The following STK3 variants were observed in gnomAD, a reference collection of about 807,000 sequenced individuals.
STK3 encodes the protein serine/threonine-protein kinase 3.
Under a neutral mutation model 58.0 loss-of-function variants are expected in STK3, and 41 were observed. The observed-to-expected ratio is 0.71, with a 90% CI of 0.55 to 0.92. The LOEUF (loss-of-function observed/expected upper bound fraction) is 0.92. Among genes scored for constraint, STK3 ranks in the 40% least tolerant of loss-of-function variants. The pLI, the probability that STK3 is intolerant of heterozygous loss-of-function variation, is 0.00. For missense variants in STK3, 479 were observed against 602.7 expected (o/e 0.79, Z 2.15); for synonymous variants, 170 against 191.0 (o/e 0.89, Z 0.91).
Position 98,908,843 on chromosome 8 carries a change from C to CAAAAAA in STK3, c.-78-25015_-78-25010dup, listed in dbSNP as rs1187304586. ...GGGGGACAAGAGAGAGACTTCTTCT[C>CAAAAAA]AAAAAAAAAAAAAAAAAAAAAGAAA... is the stretch of plus-strand genomic sequence containing the variant. On this transcript the variant is annotated intron_variant, in intron 1 of 1. Coordinates refer to the STK3 transcript ENST00000519420. 5.0e-5 allele frequency among the ~76,000 whole-genome samples: 3 copies of CAAAAAA among 60,448 alleles called. 1 individual carries two copies. Among genetic ancestry groups the CAAAAAA allele is most frequent in the Non-Finnish European group, 6.8e-5 (2 of 29,602 alleles). The allele number at this position is 60,448 out of a possible 152,430, so 39.7% of individuals were successfully genotyped here. A position where few individuals can be genotyped will look rare whatever the true frequency, so the allele number is the denominator to read the frequency against.
At chr8:98,711,982 G>A (rs539289536) in intron 4 of STK3, among the ~76,000 whole-genome samples, 1 of 152,204 alleles carries the variant, frequency 6.6e-6, no homozygotes. Flanking sequence ...CAATAGTCAA[G>A]ATTCTTAAAG....
At chr8:98,407,777 T>C (rs940006882) in intron 3 of STK3, among the ~76,000 whole-genome samples, 1 of 150,098 alleles carries the variant, frequency 6.7e-6, no homozygotes, top group African/African-American at 2.5e-5. Flanking sequence ...CGCGCATGCA[T>C]GGTATGACTA....
chr8:98,886,852 C>G lies in STK3; in HGVS notation c.-78-3018G>C, dbSNP rs758026633. Reference sequence around the variant, plus strand: ...GTGGCTCATGTCTGTAATTCCAGCACTTTGGGAGGCAGAGGTGGGTGGATT... The same window carrying G: ...GTGGCTCATGTCTGTAATTCCAGCAGTTTGGGAGGCAGAGGTGGGTGGATT... On this transcript the variant is annotated intron_variant, in intron 1 of 1. Coordinates refer to the STK3 transcript ENST00000519420. Among the ~76,000 whole-genome samples, 12 of 152,278 alleles carry G rather than the reference C, an allele frequency of 7.9e-5. No individual in the cohort carries two copies. In the East Asian group the frequency reaches 9.6e-4, roughly 12 times the overall value.
chr8:98,472,943 C>A (rs979701851), intron 10 of STK3, among the ~76,000 whole-genome samples: 3 of 151,858 alleles, frequency 2.0e-5, no homozygotes, highest in Admixed American at 2.0e-4. Flanking sequence ...GCGAAATGGT[C>A]CAAAAATTAT....
chr8:98,915,472 T>C (rs1022060661), intron 1 of STK3, among the ~76,000 whole-genome samples: 1 of 71,678 alleles, frequency 1.4e-5, no homozygotes, highest in South Asian at 3.8e-4. Flanking sequence ...ATATATATAG[T>C]TCTGTCCTCT....
chr8:98,417,686 G>T (rs1163615580), intron 3 of STK3, among the ~76,000 whole-genome samples: 1 of 152,070 alleles, frequency 6.6e-6, no homozygotes, highest in Non-Finnish European at 1.5e-5. Context: ...CCATGTTGTT[G>T]TGATGATTAA....
At chr8:98,663,571 C>T (rs1465087648) in intron 6 of STK3, among the ~76,000 whole-genome samples, 1 of 152,126 alleles carries the variant, frequency 6.6e-6, no homozygotes, top group East Asian at 1.9e-4. Flanking sequence ...CACATGCACA[C>T]GTATGTTTAC....
chr8:98,607,177 G>A (rs1816845085), intron 6 of STK3, among the ~76,000 whole-genome samples: 1 of 152,182 alleles, frequency 6.6e-6, no homozygotes, highest in Non-Finnish European at 1.5e-5. Flanking sequence ...GATATAAGAA[G>A]CACTTTTTAG....
intron 6 of STK3, among the ~76,000 whole-genome samples, chr8:98,697,612 T>C (rs1452128683): frequency 6.6e-6 from 1 of 152,230 alleles, no homozygotes. Context: ...CATTTTGTTA[T>C]GTACCCAGTA....
chr8:98,418,172 A>G (rs1248953565), intron 3 of STK3, among the ~76,000 whole-genome samples: 1 of 152,202 alleles, frequency 6.6e-6, no homozygotes, highest in East Asian at 1.9e-4. Flanking sequence ...CTGGCCTCCC[A>G]AAGTGCTGAG....
intron 6 of STK3, among the ~76,000 whole-genome samples, chr8:98,686,985 G>A (rs753671772): frequency 6.6e-6 from 1 of 152,104 alleles, no homozygotes; most frequent in Non-Finnish European, 1.5e-5. Context: ...GAGAAAGTGA[G>A]CAACTTGGAA....
At chr8:98,557,287 A>T (rs1811669531) in intron 8 of STK3, among the ~76,000 whole-genome samples, 1 of 152,102 alleles carries the variant, frequency 6.6e-6, no homozygotes, top group African/African-American at 2.4e-5. Flanking sequence ...ACTATCGTAC[A>T]TTTGCTTGTA....
intron 8 of STK3, among the ~76,000 whole-genome samples, chr8:98,557,179 C>T (rs1811660253): frequency 1.3e-5 from 2 of 152,022 alleles, no homozygotes; most frequent in South Asian, 2.1e-4. Context: ...TCATGCATAA[C>T]GGAATTCGGG....
intron 1 of STK3, among the ~76,000 whole-genome samples, chr8:98,910,165 T>A (rs1394768983): frequency 6.6e-6 from 1 of 152,242 alleles, no homozygotes; most frequent in African/African-American, 2.4e-5. Flanking sequence ...TCTATTCAGA[T>A]CCTTTTCCCA....
chr8:98,600,693 T>C (rs1415366056), intron 6 of STK3, among the ~76,000 whole-genome samples: 1 of 152,138 alleles, frequency 6.6e-6, no homozygotes, highest in Non-Finnish European at 1.5e-5. Flanking sequence ...AAGAAGATTA[T>C]AGTTTTACTG....
At chr8:98,530,535 G>A (rs1323311332) in intron 9 of STK3, among the ~76,000 whole-genome samples, 1 of 152,172 alleles carries the variant, frequency 6.6e-6, no homozygotes, top group Non-Finnish European at 1.5e-5. Flanking sequence ...AGATTTGACT[G>A]GAGTGTCAGT....
chr8:98,594,648 A>G (rs1815647815), intron 7 of STK3, among the ~76,000 whole-genome samples: 1 of 152,214 alleles, frequency 6.6e-6, no homozygotes, highest in Admixed American at 6.5e-5. Context: ...ATATACATAT[A>G]TAACACATAC....
chr8:98,378,600 G>T (rs1190947312), intron 2 of STK3, among the ~76,000 whole-genome samples: 1 of 152,220 alleles, frequency 6.6e-6, no homozygotes, highest in Non-Finnish European at 1.5e-5. Context: ...CATACTGCCT[G>T]ATACACAGTG....
intron 1 of STK3, 146 bp downstream of exon 1, chr8:98,825,369 C>T: frequency 4.8e-6 from 3 of 625,418 alleles, no homozygotes; most frequent in Non-Finnish European, 6.8e-6. Context: ...CGCGGCGGGA[C>T]ACTCGGACCC....
Sources: allele counts gnomAD v4.1 joint callset (sites outside exome capture counted in the v4.1 genomes callset), GRCh38; gene constraint gnomAD v4.1.1; transcripts MANE v1.5; gene names NCBI Gene and HGNC (gene_info 2026-07-23, HGNC 2026-07-21).